TAB3: variants seen among roughly 807,000 people sequenced by gnomAD.
The protein encoded by TAB3 is TGF-beta activated kinase 1 (MAP3K7) binding protein 3, also known as TGF-beta-activated kinase 1 and MAP3K7-binding protein 3.
Under a neutral mutation model 48.1 loss-of-function variants are expected in TAB3, and 18 were observed. The ratio of observed to expected loss-of-function variants is 0.37; its 90% CI spans 0.26 to 0.55. TAB3 has a LOEUF of 0.55. TAB3 is among the 20% of genes least tolerant of loss of function. The pLI is 0.78. For synonymous variants in TAB3, 185 were observed against 190.2 expected, an observed-to-expected ratio of 0.97 and a Z score of 0.22; for missense variants, 414 against 549.8, an observed-to-expected ratio of 0.75 and a Z score of 2.47.
intron 9 of TAB3, among the ~76,000 whole-genome samples, chrX:30,842,045 G>GTGATCCA (rs1297093972): frequency 8.9e-6 from 1 of 112,615 alleles, no homozygotes; most frequent in Non-Finnish European, 1.9e-5. Flanking sequence ...CTGGCCTCAT[G>GTGATCCA]TGATCCATCC....
intron 9 of TAB3, among the ~76,000 whole-genome samples, chrX:30,841,558 T>C (rs1006371700): frequency 1.8e-5 from 2 of 111,230 alleles, no homozygotes; most frequent in African/African-American, 3.3e-5. Flanking sequence ...GAGCTTAATA[T>C]ACGTAGAAAA....
At chrX:30,857,821 A>G (rs1939124980) in intron 5 of TAB3, among the ~76,000 whole-genome samples, 2 of 112,258 alleles carry the variant, frequency 1.8e-5, no homozygotes, top group Admixed American at 1.9e-4. Context: ...TAAAAAATGT[A>G]TCAAACAGTA....
intron 8 of TAB3, 106 bp downstream of exon 8, chrX:30,846,445 C>T (rs756366281): frequency 1.2e-4 from 61 of 517,999 alleles, no homozygotes; most frequent in Non-Finnish European, 1.6e-4. Flanking sequence ...TGTAATCTTA[C>T]GGATAAAAAC....
chrX:30,880,068 C>T (rs1260455224), intron 1 of TAB3, among the ~76,000 whole-genome samples: 1 of 111,670 alleles, frequency 9.0e-6, no homozygotes, highest in Admixed American at 9.5e-5. Flanking sequence ...GTATCATGTT[C>T]ATGAATTAGA....
intron 7 of TAB3, among the ~76,000 whole-genome samples, chrX:30,849,633 TTC>T (rs1466937837): frequency 8.9e-6 from 1 of 112,337 alleles, no homozygotes; most frequent in Non-Finnish European, 1.9e-5. Flanking sequence ...CTTGCTATAA[TTC>T]TCTTTTACAG....
intron 1 of TAB3, among the ~76,000 whole-genome samples, chrX:30,887,973 T>C (rs1940179152): frequency 8.9e-6 from 1 of 112,088 alleles, no homozygotes; most frequent in Non-Finnish European, 1.9e-5. Flanking sequence ...CATGTATATG[T>C]ATGTGCCTGT....
At chrX:30,866,966 G>A (rs141790277) in intron 4 of TAB3, 149 bp downstream of exon 4, 2 of 110,140 alleles carry the variant, frequency 1.8e-5, no homozygotes, top group East Asian at 2.8e-4. Flanking sequence ...GATAAGTCAC[G>A]TTGATAGTAT....
intron 4 of TAB3, among the ~76,000 whole-genome samples, chrX:30,863,301 C>G (rs1003679724): frequency 8.9e-6 from 1 of 112,264 alleles, no homozygotes; most frequent in African/African-American, 3.2e-5. Context: ...ATAACTATAT[C>G]ATGTTAAAAT....
intron 5 of TAB3, among the ~76,000 whole-genome samples, chrX:30,857,938 G>T (rs1601821751): frequency 9.0e-6 from 1 of 111,649 alleles, no homozygotes; most frequent in Non-Finnish European, 1.9e-5. Context: ...CCTAAAAAGT[G>T]ATCCTAAATT....
intron 2 of TAB3, among the ~76,000 whole-genome samples, chrX:30,869,452 CTG>C (rs1939605058): frequency 8.9e-6 from 1 of 112,250 alleles, no homozygotes; most frequent in Non-Finnish European, 1.9e-5. Flanking sequence ...ATAAAAGTCA[CTG>C]TGTGTTGATT....
chrX:30,854,583 C>G lies in TAB3; in HGVS notation c.1082G>C (p.Gly361Ala). The change falls in exon 6 of 11, where the codon GGT becomes GCT. Residue 361 changes from glycine (G) to alanine (A), a missense_variant. Coordinates refer to ENST00000288422, the MANE Select transcript of TAB3 (RefSeq NM_152787.5). ...LPYTASSLSK[G>A]SMKKIEITVE... ...TGTAATTTCTATCTTCTTCATGGAACCTTTGGATAAACTAGATGCTGTGTA... is the reference window on the plus strand; with the variant it reads ...TGTAATTTCTATCTTCTTCATGGAAGCTTTGGATAAACTAGATGCTGTGTA... 1 of 1,211,328 alleles carries G rather than the reference C, an allele frequency of 8.3e-7. No homozygotes were observed. Among genetic ancestry groups the G allele is most frequent in the Non-Finnish European group, 1.1e-6 (1 of 895,341 alleles).
chrX:30,852,283 ATTAT>A (rs1245359367), intron 7 of TAB3, among the ~76,000 whole-genome samples: 1 of 112,204 alleles, frequency 8.9e-6, no homozygotes, highest in Middle Eastern at 4.2e-3. Flanking sequence ...AGTTTCTACA[ATTAT>A]TTATACTTAA....
At chrX:30,835,733 A>G (rs753294054) in intron 9 of TAB3, 1 of 112,471 alleles carries the variant, frequency 8.9e-6, no homozygotes, top group Admixed American at 9.4e-5. Flanking sequence ...GCTTAACTAC[A>G]AAGTCCAATC....
In TAB3 at chrX:30,829,326, C is replaced by G. The variant is rs748205942; in HGVS notation, c.*2101G>C. ...GCCAAGTTAATTGCCTCCACTTCAG[C>G]ATATCACTATGAATACTGGTAAACC... On this transcript the variant is annotated 3_prime_UTR_variant, in exon 11 of 11. Coordinates refer to ENST00000288422, the MANE Select transcript of TAB3 (RefSeq NM_152787.5). 1 of 112,312 alleles carries G rather than the reference C, an allele frequency of 8.9e-6. No individual in the cohort carries two copies. Among genetic ancestry groups the G allele is most frequent in the Non-Finnish European group, 1.9e-5 (1 of 53,232 alleles). 9.3% of individuals were successfully genotyped at this position (112,312 alleles called of 1,213,427 possible). A position where few individuals can be genotyped will look rare whatever the true frequency, so the allele number is the denominator to read the frequency against.
intron 1 of TAB3, among the ~76,000 whole-genome samples, 193 bp downstream of exon 1, chrX:30,888,918 GCGC>G (rs1940214568): frequency 2.7e-5 from 3 of 113,142 alleles, no homozygotes; most frequent in African/African-American, 9.6e-5. Context: ...GGGCGCGGAC[GCGC>G]CAGGCCCTGC....
At chrX:30,863,111 CACA>C (rs1939298761) in intron 4 of TAB3, among the ~76,000 whole-genome samples, 1 of 112,255 alleles carries the variant, frequency 8.9e-6, no homozygotes, top group South Asian at 3.7e-4. Context: ...ACTGACTTTT[CACA>C]ACAAATAGGA....
chrX:30,877,482 GACA>G (rs1275775680), intron 1 of TAB3, among the ~76,000 whole-genome samples: 1 of 112,019 alleles, frequency 8.9e-6, no homozygotes, highest in East Asian at 2.8e-4. Flanking sequence ...TAAATTACAG[GACA>G]ACAATATGTA....
At chrX:30,846,504 A>C (rs764108966) in intron 8 of TAB3, 47 bp downstream of exon 8, 3 of 982,448 alleles carry the variant, frequency 3.1e-6, no homozygotes, top group East Asian at 6.3e-5. Flanking sequence ...AAGCAGCTTA[A>C]AATACCACAC....
chrX:30,877,831 T>A (rs1569227145), intron 1 of TAB3, among the ~76,000 whole-genome samples: 1 of 111,588 alleles, frequency 9.0e-6, no homozygotes, highest in Non-Finnish European at 1.9e-5. Context: ...ATTATCAGAT[T>A]GGGTTAAAAA....
Sources: gnomAD v4.1 joint callset for allele counts (sites outside exome capture counted in the v4.1 genomes callset) on GRCh38, gnomAD v4.1.1 for gene constraint, MANE v1.5 for transcripts, NCBI Gene and HGNC (gene_info 2026-07-23, HGNC 2026-07-21) for gene names.